The following SHANK2 variants were observed in gnomAD, a reference collection of about 807,000 sequenced individuals.
SHANK2 encodes SH3 and multiple ankyrin repeat domains protein 2.
Under a neutral mutation model 133.7 loss-of-function variants are expected in SHANK2, and 43 were observed. That is an observed-to-expected ratio of 0.32 (90% CI 0.25 to 0.41). The LOEUF (loss-of-function observed/expected upper bound fraction) is 0.41, where lower values mean the gene tolerates loss of function less well. Among genes scored for constraint, SHANK2 ranks in the 10% least tolerant of loss-of-function variants. SHANK2 has a pLI of 1.00. For synonymous variants in SHANK2, 1,017 were observed against 952.8 expected, an observed-to-expected ratio of 1.07 and a Z score of -1.24; for missense variants, 1,994 against 2,235.8, an observed-to-expected ratio of 0.89 and a Z score of 2.18.
chr11:70,807,409 G>A lies in SHANK2; in HGVS notation c.1494-238C>T, dbSNP rs1948186586. Among the ~76,000 whole-genome samples, 1 of 152,188 alleles carries A rather than the reference G, an allele frequency of 6.6e-6. No homozygotes were observed. Among genetic ancestry groups the A allele is most frequent in the Non-Finnish European group, 1.5e-5 (1 of 68,026 alleles). On this transcript the variant is annotated intron_variant, in intron 12 of 25. Coordinates refer to ENST00000601538, the MANE Select transcript of SHANK2 (RefSeq NM_012309.5). This position sits in a 1 kb window ranked among gnomAD's most constrained non-coding sequence, Gnocchi z 4.8. ...CCGCACAGACAGAAAGCTGCCACTC[G>A]GGGAGACGTCTGCACACCTGCGTTC...
At chr11:70,845,880 C>T (rs1035950746) in intron 11 of SHANK2, among the ~76,000 whole-genome samples, 2 of 152,162 alleles carry the variant, frequency 1.3e-5, no homozygotes, top group Admixed American at 1.3e-4. Flanking sequence ...TGTTTGTCTC[C>T]GAGCTTCCTG....
chr11:70,662,452 T>TC (rs1345390615), intron 15 of SHANK2, among the ~76,000 whole-genome samples: 9 of 151,740 alleles, frequency 5.9e-5, no homozygotes, highest in African/African-American at 2.2e-4. Context: ...TCTCTCTGCA[T>TC]CCCCCCCTCC....
intron 14 of SHANK2, among the ~76,000 whole-genome samples, chr11:70,769,781 GTGTC>G (rs1319348863): frequency 4.6e-5 from 7 of 152,186 alleles, no homozygotes; most frequent in African/African-American, 1.2e-4. Context: ...GCAGGCATGT[GTGTC>G]TGTGTGCAGG....
intron 2 of SHANK2, among the ~76,000 whole-genome samples, chr11:71,197,554 T>G (rs1953930898): frequency 6.6e-6 from 1 of 152,242 alleles, no homozygotes; most frequent in African/African-American, 2.4e-5. Flanking sequence ...AAATCCCATC[T>G]GCTCTATCAG....
At chr11:70,649,615 G>A (rs2061315935) in intron 17 of SHANK2, among the ~76,000 whole-genome samples, 1 of 152,192 alleles carries the variant, frequency 6.6e-6, no homozygotes, top group African/African-American at 2.4e-5. Context: ...TGAGAACACT[G>A]GGAGGTGGGC....
intron 11 of SHANK2, among the ~76,000 whole-genome samples, chr11:70,890,794 T>C (rs1949829645): frequency 1.7e-5 from 1 of 59,870 alleles, no homozygotes; most frequent in Non-Finnish European, 3.5e-5. Flanking sequence ...AGTGAAACTG[T>C]CTCAAAAAAA....
At chr11:71,065,552 T>G (rs1951041386) in intron 9 of SHANK2, among the ~76,000 whole-genome samples, 3 of 70,086 alleles carry the variant, frequency 4.3e-5, no homozygotes, top group African/African-American at 1.2e-4. Flanking sequence ...GAGCAGTGAG[T>G]GGGGAAGTTG....
At chr11:70,884,430 C>G (rs1016829148) in intron 11 of SHANK2, among the ~76,000 whole-genome samples, 8 of 152,252 alleles carry the variant, frequency 5.3e-5, no homozygotes, top group African/African-American at 1.9e-4. Flanking sequence ...TCCAGGAATG[C>G]AATGAAAGAC....
chr11:70,679,871 G>A (rs1944989558), intron 15 of SHANK2, among the ~76,000 whole-genome samples: 2 of 152,218 alleles, frequency 1.3e-5, no homozygotes, highest in Admixed American at 1.3e-4. Context: ...ACAGTTGTGT[G>A]ATCCATTCCC....
intron 2 of SHANK2, among the ~76,000 whole-genome samples, chr11:71,171,616 C>G (rs1555112204): frequency 6.6e-6 from 1 of 152,098 alleles, no homozygotes; most frequent in Non-Finnish European, 1.5e-5. Flanking sequence ...CTCTCTGGAC[C>G]CCCAGCATAT....
intron 17 of SHANK2, among the ~76,000 whole-genome samples, chr11:70,599,937 A>AAGAT (rs1382563994): frequency 4.8e-4 from 49 of 101,904 alleles, no homozygotes; most frequent in African/African-American, 1.9e-3. Flanking sequence ...GAAAGAAAGA[A>AAGAT]AGAAAGAAAG....
chr11:70,613,010 C>T (rs781882382), intron 17 of SHANK2, among the ~76,000 whole-genome samples: 1 of 152,054 alleles, frequency 6.6e-6, no homozygotes, highest in South Asian at 2.1e-4. Flanking sequence ...TCATTTCCAG[C>T]GTCTTGCTGT....
chr11:71,244,451 G>T (rs1954935436), intron 1 of SHANK2, among the ~76,000 whole-genome samples: 1 of 152,226 alleles, frequency 6.6e-6, no homozygotes, highest in Non-Finnish European at 1.5e-5. Context: ...CCTCCCAGAG[G>T]CTCTCAGCGT....
chr11:71,064,277 G>C (rs1381073678), intron 9 of SHANK2, among the ~76,000 whole-genome samples: 2 of 152,256 alleles, frequency 1.3e-5, no homozygotes, highest in African/African-American at 2.4e-5. Flanking sequence ...GTCTGATGCA[G>C]ACAGTGGAGA....
At chr11:70,831,238 C>G (rs1421087436) in intron 11 of SHANK2, among the ~76,000 whole-genome samples, 1 of 152,156 alleles carries the variant, frequency 6.6e-6, no homozygotes, top group African/African-American at 2.4e-5. Flanking sequence ...TGCCTGCCCG[C>G]ACGCCCACCC....
chr11:71,088,235 A>T (rs1951445234), intron 8 of SHANK2, among the ~76,000 whole-genome samples: 2 of 152,178 alleles, frequency 1.3e-5, no homozygotes, highest in Non-Finnish European at 2.9e-5. Flanking sequence ...TGCCCTGCAG[A>T]TTTTGGACTT....
At chr11:70,608,278 G>A (rs539703583) in intron 17 of SHANK2, among the ~76,000 whole-genome samples, 12 of 152,234 alleles carry the variant, frequency 7.9e-5, no homozygotes, top group African/African-American at 2.9e-4. Flanking sequence ...CAGCCAGAAG[G>A]GATATTTCTT....
In SHANK2 at chr11:71,252,067, G is replaced by C. The variant is rs1311638912; in HGVS notation, c.-113+358C>G. 3.3e-5 allele frequency among the ~76,000 whole-genome samples: 5 copies of C among 152,154 alleles called. No individual in the cohort carries two copies. On this transcript the variant is annotated intron_variant, in intron 1 of 25. Transcript: ENST00000601538. This position sits in a 1 kb window ranked among gnomAD's most constrained non-coding sequence, Gnocchi z 6.3. The stretch of plus-strand genomic sequence containing the variant: ...GCCACACGCGCTGTTCCAGAGGAAG[G>C]GGCAGGACGCGCCAGAGACTACGTG...
At chr11:71,131,542 G>T (rs1163990589) in intron 3 of SHANK2, among the ~76,000 whole-genome samples, 11 of 152,202 alleles carry the variant, frequency 7.2e-5, no homozygotes, top group Non-Finnish European at 1.2e-4. Context: ...ATTAGTAAGA[G>T]GCTGCCTGTC....
Sources: allele counts gnomAD v4.1 joint callset (sites outside exome capture counted in the v4.1 genomes callset), GRCh38; gene constraint gnomAD v4.1.1; non-coding constraint Gnocchi (gnomAD v3.1); transcripts MANE v1.5; gene names NCBI Gene and HGNC (gene_info 2026-07-23, HGNC 2026-07-21).